NAALADL2: variants seen among roughly 807,000 people sequenced by gnomAD.
NAALADL2 encodes inactive N-acetylated-alpha-linked acidic dipeptidase-like protein 2.
In NAALADL2, 76 loss-of-function variants were observed where a neutral mutation model predicts 87.2. The ratio of observed to expected loss-of-function variants is 0.87; its 90% CI spans 0.72 to 1.05. NAALADL2 has a LOEUF of 1.05. Among genes scored for constraint, NAALADL2 ranks in the 50% least tolerant of loss-of-function variants. The pLI is 0.00. For synonymous variants in NAALADL2, 354 were observed against 331.0 expected (o/e 1.07, Z -0.75); for missense variants, 1,089 against 945.8 (o/e 1.15, Z -1.99).
At chr3:175,600,682 C>T (rs564985279) in intron 10 of NAALADL2, among the ~76,000 whole-genome samples, 3 of 151,478 alleles carry the variant, frequency 2.0e-5, no homozygotes, top group Admixed American at 1.3e-4. Flanking sequence ...GGACTACAGG[C>T]GCCCGCTACC....
At chr3:175,095,659 A>C (rs924756375) in intron 1 of NAALADL2, among the ~76,000 whole-genome samples, 4 of 152,002 alleles carry the variant, frequency 2.6e-5, no homozygotes, top group African/African-American at 9.7e-5. Flanking sequence ...CCCTTTGTGA[A>C]ATCCTTGTTT....
At chr3:175,476,493 C>CA (rs1269843642) in intron 9 of NAALADL2, among the ~76,000 whole-genome samples, 1 of 152,046 alleles carries the variant, frequency 6.6e-6, no homozygotes, top group Non-Finnish European at 1.5e-5. Flanking sequence ...ATGACAGTGG[C>CA]AAAAAACTGA....
chr3:175,637,939 A>G (rs1345234676), intron 11 of NAALADL2, among the ~76,000 whole-genome samples: 3 of 152,234 alleles, frequency 2.0e-5, no homozygotes, highest in African/African-American at 7.2e-5. Flanking sequence ...ATTAGTTGCC[A>G]TATGTCTCAG....
intron 13 of NAALADL2, among the ~76,000 whole-genome samples, chr3:175,796,121 G>A (rs1297999600): frequency 6.7e-6 from 1 of 148,768 alleles, no homozygotes; most frequent in East Asian, 2.0e-4. Flanking sequence ...CAGGGTGGGT[G>A]GGGGGTTGGG....
intron 3 of NAALADL2, among the ~76,000 whole-genome samples, chr3:174,778,403 A>C (rs1368838304): frequency 6.6e-6 from 1 of 152,122 alleles, no homozygotes; most frequent in African/African-American, 2.4e-5. Flanking sequence ...TTCAACTTTG[A>C]AAGAGGGATT....
At chr3:175,230,299 A>C (rs1015353171) in intron 2 of NAALADL2, among the ~76,000 whole-genome samples, 1 of 152,110 alleles carries the variant, frequency 6.6e-6, no homozygotes, top group African/African-American at 2.4e-5. Context: ...AAACAATTAT[A>C]TTAAAAGCTC....
At chr3:175,568,591 C>T (rs139098827) in intron 9 of NAALADL2, among the ~76,000 whole-genome samples, 2,835 of 152,218 alleles carry the variant, frequency 0.019, 59 homozygotes, top group Non-Finnish European at 0.022. Flanking sequence ...ATTTGGGGGC[C>T]TTAATTTTCT....
At chr3:175,221,194 GT>G (rs1184831800) in intron 2 of NAALADL2, among the ~76,000 whole-genome samples, 1 of 63,182 alleles carries the variant, frequency 1.6e-5, no homozygotes, top group East Asian at 4.6e-4. Context: ...GCAAGACTCC[GT>G]TTTAAAAAAA....
chr3:175,673,012 AT>A (rs760455455), intron 11 of NAALADL2, among the ~76,000 whole-genome samples: 2 of 152,158 alleles, frequency 1.3e-5, no homozygotes. Flanking sequence ...TATGAGGAAT[AT>A]TAATGAGTTT....
At chr3:175,140,428 A>G (rs559532756) in intron 2 of NAALADL2, among the ~76,000 whole-genome samples, 1 of 152,282 alleles carries the variant, frequency 6.6e-6, no homozygotes, top group Admixed American at 6.6e-5. Context: ...TGCTAAGTAC[A>G]TGATAAAGGC....
At chr3:175,269,114 T>TA (rs1752419235) in intron 4 of NAALADL2, among the ~76,000 whole-genome samples, 2 of 141,814 alleles carry the variant, frequency 1.4e-5, no homozygotes, top group African/African-American at 4.9e-5. Context: ...AATATTTGTA[T>TA]TTTCAGTAGA....
At chr3:174,545,945 A>T (rs765810198) in intron 1 of NAALADL2, among the ~76,000 whole-genome samples, 56 of 149,668 alleles carry the variant, frequency 3.7e-4, no homozygotes, top group East Asian at 1.6e-3. Flanking sequence ...ATTTTGTTGA[A>T]ATCTTACTCT....
intron 11 of NAALADL2, among the ~76,000 whole-genome samples, chr3:175,712,088 A>C (rs1260925899): frequency 6.6e-6 from 1 of 151,936 alleles, no homozygotes; most frequent in Non-Finnish European, 1.5e-5. Context: ...ATATTATTTA[A>C]ATTTATAGAG....
At chr3:175,282,955 A>T (rs1464942017) in intron 4 of NAALADL2, among the ~76,000 whole-genome samples, 4 of 147,706 alleles carry the variant, frequency 2.7e-5, no homozygotes, top group Non-Finnish European at 5.9e-5. Flanking sequence ...GGATTTGTTC[A>T]CTAGCAGAAA....
intron 5 of NAALADL2, among the ~76,000 whole-genome samples, chr3:175,327,554 C>T (rs906755476): frequency 6.6e-6 from 1 of 152,070 alleles, no homozygotes; most frequent in Non-Finnish European, 1.5e-5. Context: ...AAATCCAGCA[C>T]ACATACGTAT....
chr3:174,679,971 G>A (rs1003664459), intron 2 of NAALADL2, among the ~76,000 whole-genome samples: 2 of 152,088 alleles, frequency 1.3e-5, no homozygotes, highest in African/African-American at 4.8e-5. Flanking sequence ...TCTTCAGAGT[G>A]TGGTCTTTAG....
chr3:175,576,371 C>A (rs1718893363), intron 10 of NAALADL2, among the ~76,000 whole-genome samples, 184 bp downstream of exon 10: 1 of 152,306 alleles, frequency 6.6e-6, no homozygotes, highest in Non-Finnish European at 1.5e-5. Flanking sequence ...CAGCTCTTTT[C>A]AATAGTATTG....
At chr3:174,635,901 G>C (rs1387371360) in intron 2 of NAALADL2, among the ~76,000 whole-genome samples, 1 of 152,108 alleles carries the variant, frequency 6.6e-6, no homozygotes, top group African/African-American at 2.4e-5. Context: ...TGATGTGAGA[G>C]ATAGTCATAG....
intron 2 of NAALADL2, among the ~76,000 whole-genome samples, chr3:174,694,142 T>G (rs1183940254): frequency 1.3e-5 from 2 of 152,170 alleles, no homozygotes; most frequent in Non-Finnish European, 2.9e-5. Flanking sequence ...ATGCCAACTC[T>G]GACTCTCTTT....
Sources: allele counts gnomAD v4.1 joint callset (sites outside exome capture counted in the v4.1 genomes callset), GRCh38; gene constraint gnomAD v4.1.1; transcripts MANE v1.5; gene names NCBI Gene and HGNC (gene_info 2026-07-23, HGNC 2026-07-21).